PHF14: variants seen among roughly 807,000 people sequenced by gnomAD.
The protein encoded by PHF14 is PHD finger protein 14.
PHF14 carries 55 observed loss-of-function variants against 117.9 expected under a neutral mutation model. The ratio of observed to expected loss-of-function variants is 0.47; its 90% CI spans 0.38 to 0.58. The LOEUF (loss-of-function observed/expected upper bound fraction) is 0.58. PHF14 is among the 20% of genes least tolerant of loss of function. PHF14 has a pLI of 0.00. For missense variants in PHF14, 978 were observed against 1,122.2 expected (o/e 0.87, Z 1.84); for synonymous variants, 409 against 368.6 (o/e 1.11, Z -1.26).
At chr7:11,016,030 A>T (rs1783522560) in intron 5 of PHF14, among the ~76,000 whole-genome samples, 2 of 152,102 alleles carry the variant, frequency 1.3e-5, no homozygotes, top group African/African-American at 4.8e-5. Flanking sequence ...TAATAGACAA[A>T]ACAACTGGCA....
At chr7:11,041,060 T>C (rs1314308961) in intron 12 of PHF14, among the ~76,000 whole-genome samples, 1 of 151,802 alleles carries the variant, frequency 6.6e-6, no homozygotes, top group African/African-American at 2.4e-5. Context: ...ATTTAAACAA[T>C]ATAAAAGATG....
chr7:11,169,463 C>T lies in PHF14; in HGVS notation c.2820C>T (p.Asn940=). The T allele has an allele frequency of 6.6e-7, 1 of 1,519,740 alleles. No individual in the cohort carries two copies. The highest frequency in any genetic ancestry group is 8.9e-7 in the Non-Finnish European group (1 of 1,123,484). The allele number at this position is 1,519,740 out of a possible 1,614,324, so 94.1% of individuals were successfully genotyped here. A position where few individuals can be genotyped will look rare whatever the true frequency, so the allele number is the denominator to read the frequency against. The change falls in exon 18 of 18, where the codon AAC becomes AAT. Residue 940 remains asparagine (N), a synonymous_variant. Coordinates refer to ENST00000634607, the MANE Select transcript of PHF14 (RefSeq NM_001007157.2). The part of the protein sequence containing the change: ...AERKNISQEL[N]MEQKNPKK ...GAAAAAATATATCTCAGGAGCTCAA[C>T]ATGGAACAGAAAAATCCAAAGAAAT...
chr7:11,065,319 TTGTC>T (rs1257681654), intron 16 of PHF14, among the ~76,000 whole-genome samples: 1 of 152,102 alleles, frequency 6.6e-6, no homozygotes, highest in Admixed American at 6.5e-5. Context: ...CTTAAAGGCT[TTGTC>T]TGTGATAGGT....
At chr7:10,998,528 A>G (rs1053773392) in intron 4 of PHF14, among the ~76,000 whole-genome samples, 3 of 152,190 alleles carry the variant, frequency 2.0e-5, no homozygotes, top group African/African-American at 7.2e-5. Context: ...TAATATAAAT[A>G]TATTCATATG....
chr7:11,152,279 T>C (rs967690794), intron 17 of PHF14, among the ~76,000 whole-genome samples: 2 of 152,184 alleles, frequency 1.3e-5, no homozygotes, highest in Non-Finnish European at 2.9e-5. Context: ...GGAATACTTT[T>C]TATAGTCAGA....
At chr7:11,167,404 C>T (rs1393606372) in intron 17 of PHF14, among the ~76,000 whole-genome samples, 1 of 152,072 alleles carries the variant, frequency 6.6e-6, no homozygotes, top group Admixed American at 6.5e-5. Flanking sequence ...TCTTAATTTA[C>T]GATAGTTAAG....
intron 17 of PHF14, among the ~76,000 whole-genome samples, chr7:11,141,387 A>T (rs1006962525): frequency 6.6e-6 from 1 of 152,048 alleles, no homozygotes; most frequent in South Asian, 2.1e-4. Flanking sequence ...TCCAAGTCTA[A>T]TGGTCTTTCC....
At chr7:11,140,671 G>A (rs762187958) in intron 17 of PHF14, among the ~76,000 whole-genome samples, 1 of 151,956 alleles carries the variant, frequency 6.6e-6, no homozygotes, top group Non-Finnish European at 1.5e-5. Context: ...TATTTAAAGA[G>A]ACTACCATTT....
chr7:10,987,763 A>T (rs1308384385), intron 3 of PHF14, among the ~76,000 whole-genome samples: 1 of 152,164 alleles, frequency 6.6e-6, no homozygotes, highest in Non-Finnish European at 1.5e-5. Flanking sequence ...GAAAGATGAT[A>T]TACGTCTTCA....
At chr7:10,991,744 TTTTTTAATTTTTTAA>T (rs1168124168) in intron 4 of PHF14, among the ~76,000 whole-genome samples, 3 of 129,694 alleles carry the variant, frequency 2.3e-5, no homozygotes, top group Non-Finnish European at 3.1e-5. Flanking sequence ...TTTTTTTTAA[TTTTTTAATTTTTTAA>T]TTTTTTTTTT....
chr7:11,007,442 T>C (rs1189826569), intron 4 of PHF14, among the ~76,000 whole-genome samples: 1 of 152,180 alleles, frequency 6.6e-6, no homozygotes. Context: ...CTTTTGGGAC[T>C]AGTTTTTAAG....
chr7:11,039,434 G>A (rs1028228697), intron 11 of PHF14, among the ~76,000 whole-genome samples: 6 of 151,956 alleles, frequency 3.9e-5, no homozygotes, highest in African/African-American at 1.5e-4. Flanking sequence ...CCTTTAGTCT[G>A]TTAAAGTTTT....
intron 17 of PHF14, among the ~76,000 whole-genome samples, chr7:11,127,630 C>T (rs1787964822): frequency 6.6e-6 from 1 of 152,120 alleles, no homozygotes; most frequent in African/African-American, 2.4e-5. Context: ...AATTCCTCTT[C>T]TGAGAGGGAC....
intron 17 of PHF14, among the ~76,000 whole-genome samples, chr7:11,111,747 A>T (rs138915419): frequency 9.2e-5 from 14 of 152,070 alleles, no homozygotes; most frequent in Non-Finnish European, 1.8e-4. Flanking sequence ...GCCCAAACAG[A>T]TCACTCTCTG....
At chr7:11,114,724 C>T (rs777187160) in intron 17 of PHF14, among the ~76,000 whole-genome samples, 12 of 152,044 alleles carry the variant, frequency 7.9e-5, no homozygotes, top group Admixed American at 1.3e-4. Flanking sequence ...CATATCCACA[C>T]GTATTTACAT....
intron 1 of PHF14, 64 bp from the exon 2 acceptor site, chr7:10,974,771 A>G: frequency 2.4e-6 from 2 of 834,914 alleles, no homozygotes; most frequent in South Asian, 3.2e-5. Context: ...TTCTCTTAGC[A>G]CCACAACTCT....
chr7:11,067,131 C>T (rs1418021728), intron 16 of PHF14, among the ~76,000 whole-genome samples: 1 of 152,024 alleles, frequency 6.6e-6, no homozygotes. Context: ...AGAAACAACC[C>T]CATTAAAAAT....
rs541767826 is a variant in PHF14 at position 11,044,797 on chromosome 7, G to A, written c.2312+1983G>A. 4.6e-5 allele frequency among the ~76,000 whole-genome samples: 7 copies of A among 152,164 alleles called. No individual in the cohort carries two copies. In the East Asian group the frequency reaches 9.6e-4, roughly 21 times the overall value. On this transcript the variant is annotated intron_variant, in intron 13 of 17. Coordinates refer to ENST00000634607, the MANE Select transcript of PHF14 (RefSeq NM_001007157.2). ...GGATGGTAGAAAAAAAATGATAAAC[G>A]CAGGTTGAGTATCCCTTATCCAAAG...
intron 17 of PHF14, among the ~76,000 whole-genome samples, chr7:11,137,868 T>C (rs867281280): frequency 8.5e-5 from 13 of 152,178 alleles, no homozygotes; most frequent in Middle Eastern, 3.4e-3. Flanking sequence ...ATTACAGGCA[T>C]GAGCCACTGC....
Sources: gnomAD v4.1 joint callset for allele counts (sites outside exome capture counted in the v4.1 genomes callset) on GRCh38, gnomAD v4.1.1 for gene constraint, MANE v1.5 for transcripts, NCBI Gene and HGNC (gene_info 2026-07-23, HGNC 2026-07-21) for gene names.